NKAIN3: variants seen among roughly 807,000 people sequenced by gnomAD.
The protein encoded by NKAIN3 is sodium/potassium transporting ATPase interacting 3, also known as sodium/potassium-transporting ATPase subunit beta-1-interacting protein 3.
A neutral mutation model predicts 30.2 loss-of-function variants in NKAIN3; 25 were observed. The ratio of observed to expected loss-of-function variants is 0.83; its 90% CI spans 0.60 to 1.16. The LOEUF is 1.16. Among genes scored for constraint, NKAIN3 ranks in the 50% most tolerant of loss-of-function variants. NKAIN3 has a pLI of 0.00. For missense variants in NKAIN3, 225 were observed against 254.1 expected (o/e 0.89, Z 0.78); for synonymous variants, 91 against 89.6 (o/e 1.02, Z -0.09).
At chr8:62,417,485 C>T (rs1804485647) in intron 1 of NKAIN3, among the ~76,000 whole-genome samples, 1 of 152,132 alleles carries the variant, frequency 6.6e-6, no homozygotes, top group South Asian at 2.1e-4. Flanking sequence ...TCGGTATATA[C>T]CCAGCATTGA....
intron 1 of NKAIN3, chr8:62,383,583 G>A: frequency 4.5e-6 from 2 of 449,386 alleles, no homozygotes; most frequent in South Asian, 3.2e-5. Context: ...TGAAGAACAT[G>A]CTTCTCCTGT....
intron 1 of NKAIN3, among the ~76,000 whole-genome samples, chr8:62,401,850 T>C (rs1048376480): frequency 5.3e-5 from 8 of 152,206 alleles, no homozygotes; most frequent in African/African-American, 1.9e-4. Flanking sequence ...TCATGGGGAC[T>C]GCACCAAGTT....
chr8:62,277,489 G>A (rs1417798053), intron 1 of NKAIN3, among the ~76,000 whole-genome samples: 1 of 152,112 alleles, frequency 6.6e-6, no homozygotes, highest in Non-Finnish European at 1.5e-5. Context: ...GGGCTTTGGT[G>A]GTGACTGACG....
At chr8:62,713,356 T>G (rs1814786819) in intron 3 of NKAIN3, among the ~76,000 whole-genome samples, 1 of 152,228 alleles carries the variant, frequency 6.6e-6, no homozygotes, top group Non-Finnish European at 1.5e-5. Flanking sequence ...AACGTAGAAC[T>G]ACAGCATTTG....
At chr8:62,425,828 C>G (rs529204376) in intron 1 of NKAIN3, among the ~76,000 whole-genome samples, 1 of 151,972 alleles carries the variant, frequency 6.6e-6, no homozygotes, top group African/African-American at 2.4e-5. Flanking sequence ...TGTTTAGTAG[C>G]TTGTTTTGCT....
At chr8:62,987,256 G>A (rs1824221306), downstream of NKAIN3, among the ~76,000 whole-genome samples, 1 of 152,034 alleles carries the variant, frequency 6.6e-6, no homozygotes, top group Admixed American at 6.6e-5. Flanking sequence ...AACTGGGTGT[G>A]GTGGCTGGCG....
chr8:62,550,595 T>A (rs1809172300), intron 1 of NKAIN3, among the ~76,000 whole-genome samples: 1 of 152,004 alleles, frequency 6.6e-6, no homozygotes, highest in Admixed American at 6.6e-5. Flanking sequence ...AAATGGAGAG[T>A]AGAAATGAGT....
intron 3 of NKAIN3, among the ~76,000 whole-genome samples, chr8:62,646,760 T>C (rs1812471908): frequency 1.3e-5 from 2 of 151,964 alleles, no homozygotes; most frequent in Admixed American, 1.3e-4. Flanking sequence ...ACGGAAACCA[T>C]GCATATAACA....
intron 1 of NKAIN3, among the ~76,000 whole-genome samples, chr8:62,508,458 T>C (rs6415597): frequency 0.74 from 112,858 of 151,984 alleles, 42,069 homozygotes; most frequent in South Asian, 0.81. Flanking sequence ...ATCACAAAAG[T>C]CCCATTCACC....
intron 1 of NKAIN3, among the ~76,000 whole-genome samples, chr8:62,388,425 G>A (rs1434596311): frequency 6.6e-6 from 1 of 152,192 alleles, no homozygotes; most frequent in East Asian, 1.9e-4. Flanking sequence ...CAAAGCTAAG[G>A]AAAAAATTGT....
intron 3 of NKAIN3, among the ~76,000 whole-genome samples, chr8:62,644,887 C>T (rs897398866): frequency 6.6e-6 from 1 of 152,112 alleles, no homozygotes; most frequent in African/African-American, 2.4e-5. Flanking sequence ...CTGCATTCTA[C>T]TCTGTTGTTT....
intron 1 of NKAIN3, among the ~76,000 whole-genome samples, chr8:62,490,680 A>G (rs1414026080): frequency 6.6e-6 from 1 of 152,164 alleles, no homozygotes; most frequent in Non-Finnish European, 1.5e-5. Context: ...CATAAAGTGT[A>G]AGATTGATTC....
chr8:62,717,587 A>C (rs1409423431), intron 3 of NKAIN3, among the ~76,000 whole-genome samples: 1 of 152,226 alleles, frequency 6.6e-6, no homozygotes, highest in East Asian at 1.9e-4. Context: ...AATTGGTCAA[A>C]TTAATGTTTA....
intron 4 of NKAIN3, among the ~76,000 whole-genome samples, chr8:62,800,023 A>C (rs780526386): frequency 1.3e-5 from 2 of 152,134 alleles, no homozygotes; most frequent in Non-Finnish European, 2.9e-5. Context: ...CATAAGAATG[A>C]TACAATGGAA....
intron 1 of NKAIN3, among the ~76,000 whole-genome samples, chr8:62,322,972 CAA>C (rs764939589): frequency 5.9e-5 from 9 of 152,104 alleles, no homozygotes; most frequent in Non-Finnish European, 8.8e-5. Context: ...CAAATTAAAA[CAA>C]AGAGATATCA....
At chr8:62,874,701 A>T (rs1820742733) in intron 4 of NKAIN3, among the ~76,000 whole-genome samples, 1 of 152,196 alleles carries the variant, frequency 6.6e-6, no homozygotes, top group South Asian at 2.1e-4. Flanking sequence ...CATAAACAGA[A>T]CCAAAGACAA....
intron 4 of NKAIN3, among the ~76,000 whole-genome samples, chr8:62,871,971 A>C (rs1370915775): frequency 6.6e-6 from 1 of 152,274 alleles, no homozygotes; most frequent in Admixed American, 6.5e-5. Context: ...ATTTTGGTTA[A>C]TGACAAACCA....
chr8:62,719,048 G>T (rs1814998618), intron 3 of NKAIN3, among the ~76,000 whole-genome samples: 1 of 152,150 alleles, frequency 6.6e-6, no homozygotes, highest in Admixed American at 6.5e-5. Flanking sequence ...GTGTGGAAAG[G>T]TCCAAAGAGT....
chr8:62,448,994 C>T (rs150738342), intron 1 of NKAIN3, among the ~76,000 whole-genome samples: 4 of 151,892 alleles, frequency 2.6e-5, no homozygotes, highest in Non-Finnish European at 2.9e-5. Flanking sequence ...TGTTGTTTGC[C>T]TTTCTCTTTT....
Sources: gnomAD v4.1 joint callset for allele counts (sites outside exome capture counted in the v4.1 genomes callset) on GRCh38, gnomAD v4.1.1 for gene constraint, MANE v1.5 for transcripts, NCBI Gene and HGNC (gene_info 2026-07-23, HGNC 2026-07-21) for gene names.